Variants in REELD1 observed in about 807,000 individuals in gnomAD.
REELD1 encodes reelin domain-containing protein 1.
In REELD1, 12 loss-of-function variants were observed where a neutral mutation model predicts 6.3. That is an observed-to-expected ratio of 1.89 (90% CI 1.21 to 3.07). The LOEUF is 3.07. REELD1 is among the 30% of genes most tolerant of loss of function. REELD1 has a pLI of 0.00. For missense variants in REELD1, 163 were observed against 86.8 expected (o/e 1.88, Z -3.49); for synonymous variants, 57 against 33.6 (o/e 1.70, Z -2.42).
chr4:146,224,259 T>C (rs1730980196), intron 4 of REELD1, among the ~76,000 whole-genome samples, 186 bp from the exon 5 acceptor site: 2 of 152,260 alleles, frequency 1.3e-5, no homozygotes. Flanking sequence ...TATGGGGTTT[T>C]TGTTTTTAAA....
chr4:146,224,297 AT>A, intron 4 of REELD1, 147 bp from the exon 5 acceptor site: 1 of 422,268 alleles, frequency 2.4e-6, no homozygotes, highest in South Asian at 8.9e-5. Flanking sequence ...AAGAGTAATA[AT>A]ATAATCTCTC....
intron 5 of REELD1, among the ~76,000 whole-genome samples, chr4:146,226,399 A>G (rs1731022461): frequency 6.6e-6 from 1 of 152,180 alleles, no homozygotes; most frequent in Non-Finnish European, 1.5e-5. Context: ...AGCTGCTATG[A>G]CAAAACATCC....
chr4:146,227,181 CCA>C (rs538983183), intron 5 of REELD1, among the ~76,000 whole-genome samples: 3,924 of 152,304 alleles, frequency 0.026, 182 homozygotes, highest in African/African-American at 0.09. Context: ...ATAACAATAC[CCA>C]GCACACAGCG....
At chr4:146,223,762 A>C (rs570079858) in intron 4 of REELD1, among the ~76,000 whole-genome samples, 1 of 152,286 alleles carries the variant, frequency 6.6e-6, no homozygotes, top group East Asian at 1.9e-4. Flanking sequence ...TGGAAACCGC[A>C]TGTTGGGGGC....
chr4:146,226,006 T>C (rs1353192699), intron 5 of REELD1, among the ~76,000 whole-genome samples: 1 of 152,176 alleles, frequency 6.6e-6, no homozygotes, highest in Non-Finnish European at 1.5e-5. Flanking sequence ...CGTGTGTGCA[T>C]GTGTGTGTGT....
At chr4:146,221,376 A>C (rs1203020329) in intron 3 of REELD1, among the ~76,000 whole-genome samples, 1 of 152,230 alleles carries the variant, frequency 6.6e-6, no homozygotes, top group Non-Finnish European at 1.5e-5. Flanking sequence ...TCAGAGGGGT[A>C]ACTGCATTTT....
In REELD1 at chr4:146,231,976, T is replaced by A. The variant is rs1731139569; in HGVS notation, c.*1463T>A. ...ACAAATGAAAGTGTTCTAGGAATAC[T>A]GTGGAAAGAAACAAAAGTACTGTAG... On this transcript the variant is annotated 3_prime_UTR_variant, in exon 8 of 8. Coordinates refer to ENST00000623665, the MANE Select transcript of REELD1 (RefSeq NM_001354631.1). The A allele has an allele frequency of 6.6e-6, 1 of 152,206 alleles. No individual in the cohort carries two copies. The highest frequency in any genetic ancestry group is 1.5e-5 in the Non-Finnish European group (1 of 68,054). 9.4% of individuals were successfully genotyped at this position (152,206 alleles called of 1,614,324 possible).
chr4:146,227,185 C>T (rs1731040311), intron 5 of REELD1, among the ~76,000 whole-genome samples: 1 of 151,812 alleles, frequency 6.6e-6, no homozygotes, highest in South Asian at 2.1e-4. Flanking sequence ...CAATACCCAG[C>T]ACACAGCGGG....
intron 5 of REELD1, among the ~76,000 whole-genome samples, chr4:146,226,716 G>A (rs569119932): frequency 1.6e-4 from 25 of 152,130 alleles, no homozygotes; most frequent in Non-Finnish European, 2.9e-4. Flanking sequence ...TTTGAGGGGG[G>A]CACATTAAGA....
chr4:146,215,746 A>C (rs1218483292), intron 2 of REELD1, among the ~76,000 whole-genome samples: 2 of 139,274 alleles, frequency 1.4e-5, no homozygotes, highest in Non-Finnish European at 3.1e-5. Flanking sequence ...AAAAAAAAAA[A>C]CAGAACTTTT....
At chr4:146,217,490 T>A (rs1730847948) in intron 3 of REELD1, among the ~76,000 whole-genome samples, 1 of 152,156 alleles carries the variant, frequency 6.6e-6, no homozygotes, top group African/African-American at 2.4e-5. Context: ...GTGAACCTCC[T>A]GATTCAGCCT....
Position 146,228,393 on chromosome 4 carries a change from A to G in REELD1, c.779A>G (p.Asn260Ser), listed in dbSNP as rs990288759. ...CACACAGCCACTGAAGGCAGCATCAACCAGCAACCCAGCGGGGACAGCAAT... is the reference window on the plus strand; with the variant it reads ...CACACAGCCACTGAAGGCAGCATCAGCCAGCAACCCAGCGGGGACAGCAAT... ...SSHTATEGSI[N>S]QQPSGDSNPT... Residue 260 changes from asparagine (N) to serine (S), a missense_variant, in exon 6 of 8, where the codon AAC becomes AGC. By Grantham distance (46) the Asn-to-Ser change is conservative. Transcript: ENST00000623665. The G allele has an allele frequency of 3.3e-5, 23 of 702,462 alleles. No homozygotes were observed. The African/African-American group carries it at 3.8e-4, about 12-fold the overall frequency. The allele number at this position is 702,462 out of a possible 1,614,324, so 43.5% of individuals were successfully genotyped here.
chr4:146,216,517 A>G (rs1730828478), intron 2 of REELD1, among the ~76,000 whole-genome samples: 1 of 152,236 alleles, frequency 6.6e-6, no homozygotes, highest in Non-Finnish European at 1.5e-5. Context: ...ATCCCATGCC[A>G]TGCTGCCTGA....
At chr4:146,215,719 C>T (rs1578695166) in intron 2 of REELD1, among the ~76,000 whole-genome samples, 1 of 133,736 alleles carries the variant, frequency 7.5e-6, no homozygotes, top group South Asian at 2.4e-4. Flanking sequence ...TTCTAAAATG[C>T]CTGTGTGCAG....
chr4:146,220,804 C>G (rs1441807713), intron 3 of REELD1, among the ~76,000 whole-genome samples: 1 of 152,220 alleles, frequency 6.6e-6, no homozygotes, highest in Non-Finnish European at 1.5e-5. Context: ...CAGTTCATCC[C>G]CTGGGGAAAA....
At chr4:146,218,392 G>A (rs777129636) in intron 3 of REELD1, among the ~76,000 whole-genome samples, 46 of 152,178 alleles carry the variant, frequency 3.0e-4, no homozygotes, top group Admixed American at 7.9e-4. Flanking sequence ...CAGATGCCAC[G>A]AAGTGTAGGC....
In REELD1 at chr4:146,229,071, T is replaced by G; in HGVS notation, c.955T>G (p.Ser319Ala). 1.4e-6 allele frequency: 1 copy of G among 702,400 alleles called. No individual in the cohort carries two copies. Among genetic ancestry groups the G allele is most frequent in the Non-Finnish European group, 2.6e-6 (1 of 384,902 alleles). The allele number at this position is 702,400 out of a possible 1,614,324, so 43.5% of individuals were successfully genotyped here. Residue 319 changes from serine to alanine, a missense_variant, in exon 7 of 8, where the codon TCA becomes GCA. Transcript: ENST00000623665. Reference sequence around the variant, plus strand: ...TGATTCACTGGAAACTTGCCTGTCCTCAGATGGGGGTGAACAGGTAAGAAC... The same window carrying G: ...TGATTCACTGGAAACTTGCCTGTCCGCAGATGGGGGTGAACAGGTAAGAAC... ...SFDSLETCLS[S>A]DGGEQDKTKA... is the part of the protein sequence containing the mutation.
intron 3 of REELD1, among the ~76,000 whole-genome samples, chr4:146,217,375 T>C (rs1730845810): frequency 6.6e-6 from 1 of 152,166 alleles, no homozygotes; most frequent in African/African-American, 2.4e-5. Context: ...CCCAAGAAGC[T>C]GGGACTACAG....
chr4:146,227,792 C>T (rs1731050795), intron 5 of REELD1, among the ~76,000 whole-genome samples: 1 of 152,160 alleles, frequency 6.6e-6, no homozygotes, highest in South Asian at 2.1e-4. Flanking sequence ...TCATTATCAC[C>T]AGAGAAAGAA....
Sources: allele counts gnomAD v4.1 joint callset (sites outside exome capture counted in the v4.1 genomes callset), GRCh38; gene constraint gnomAD v4.1.1; transcripts MANE v1.5; gene names NCBI Gene and HGNC (gene_info 2026-07-23, HGNC 2026-07-21).